IFT80: variants seen among roughly 807,000 people sequenced by gnomAD.
The protein encoded by IFT80 is intraflagellar transport 80.
In IFT80, 79 loss-of-function variants were observed where a neutral mutation model predicts 107.9. The ratio of observed to expected loss-of-function variants is 0.73; its 90% CI spans 0.61 to 0.88. The LOEUF is 0.88. Among genes scored for constraint, IFT80 ranks in the 40% least tolerant of loss-of-function variants. IFT80 has a pLI of 0.00. For synonymous variants in IFT80, 299 were observed against 300.9 expected, an observed-to-expected ratio of 0.99 and a Z score of 0.07; for missense variants, 797 against 914.2, an observed-to-expected ratio of 0.87 and a Z score of 1.65.
intron 8 of IFT80, among the ~76,000 whole-genome samples, chr3:160,353,211 TAC>T (rs1421639575): frequency 6.6e-6 from 1 of 152,204 alleles, no homozygotes; most frequent in African/African-American, 2.4e-5. Context: ...ACCATGTTAC[TAC>T]ACACCATCCA....
intron 11 of IFT80, 133 bp from the exon 12 acceptor site, chr3:160,301,179 G>C (rs1716399033): frequency 1.1e-6 from 1 of 879,398 alleles, no homozygotes; most frequent in African/African-American, 1.8e-5. Context: ...AGATATATAA[G>C]GAACAAAACA....
chr3:160,258,437 T>A lies in IFT80; in HGVS notation c.*88A>T, dbSNP rs1712528444. ...ACTTATACTCGGTTAAAGATTATGC[T>A]TTTTTCTTTAGCAACCAAAACATGC... On this transcript the variant is annotated 3_prime_UTR_variant, in exon 20 of 20. Transcript: ENST00000326448. 5.2e-6 allele frequency: 8 copies of A among 1,550,580 alleles called. No individual in the cohort carries two copies. Among genetic ancestry groups the A allele is most frequent in the African/African-American group, 1.4e-5 (1 of 73,634 alleles).
In IFT80 at chr3:160,357,182, C is replaced by T. The variant is rs77949442; in HGVS notation, c.639+307G>A. On this transcript the variant is annotated intron_variant, in intron 7 of 19. Transcript: ENST00000326448. ...TGGCACAATTATGGCTCACTGCAGC[C>T]TCAACCACCTGTGCTCAAGTGATCC... Among the ~76,000 whole-genome samples, 6 of 152,248 alleles carry T rather than the reference C, an allele frequency of 3.9e-5. No individual in the cohort carries two copies. The East Asian group carries it at 1.2e-3, about 29-fold the overall frequency.
intron 8 of IFT80, 91 bp from the exon 9 acceptor site, chr3:160,320,030 A>C: frequency 3.5e-6 from 3 of 848,894 alleles, no homozygotes; most frequent in Non-Finnish European, 5.6e-6. Context: ...TAATAAGATC[A>C]TTTTTAAAAG....
At chr3:160,360,946 G>A (rs1235358300) in intron 6 of IFT80, among the ~76,000 whole-genome samples, 6 of 151,576 alleles carry the variant, frequency 4.0e-5, no homozygotes, top group Non-Finnish European at 5.9e-5. Flanking sequence ...AGCATCTATG[G>A]GCAACTAATG....
chr3:160,385,199 C>T (rs1712830716), intron 1 of IFT80, among the ~76,000 whole-genome samples: 1 of 151,998 alleles, frequency 6.6e-6, no homozygotes, highest in Non-Finnish European at 1.5e-5. Context: ...TAATAAATTG[C>T]TTATAAAAGT....
At chr3:160,396,636 T>G (rs918416636) in intron 1 of IFT80, among the ~76,000 whole-genome samples, 1 of 152,168 alleles carries the variant, frequency 6.6e-6, no homozygotes, top group African/African-American at 2.4e-5. Context: ...AAATTGCAGA[T>G]AGAGATTACT....
intron 1 of IFT80, among the ~76,000 whole-genome samples, chr3:160,392,020 T>G (rs943131885): frequency 2.0e-5 from 3 of 152,224 alleles, no homozygotes; most frequent in Non-Finnish European, 2.9e-5. Context: ...ACCATAGCCT[T>G]CTTGGAACTG....
At chr3:160,268,722 T>C (rs1713553098) in intron 18 of IFT80, 186 bp from the exon 19 acceptor site, 2 of 577,866 alleles carry the variant, frequency 3.5e-6, no homozygotes, top group Non-Finnish European at 6.2e-6. Flanking sequence ...AGATCAAACA[T>C]GGCCTCTTCT....
At chr3:160,361,849 C>A (rs1721515298) in intron 6 of IFT80, among the ~76,000 whole-genome samples, 1 of 152,102 alleles carries the variant, frequency 6.6e-6, no homozygotes, top group South Asian at 2.1e-4. Context: ...ACACAATGTA[C>A]CAGAATCTTT....
intron 6 of IFT80, among the ~76,000 whole-genome samples, chr3:160,365,783 A>G (rs1721821453): frequency 1.3e-5 from 2 of 152,056 alleles, no homozygotes. Context: ...ATTTGAACCC[A>G]AGTAGCTAAC....
intron 8 of IFT80, among the ~76,000 whole-genome samples, chr3:160,343,447 T>C (rs768329355): frequency 6.6e-6 from 1 of 152,164 alleles, no homozygotes; most frequent in Non-Finnish European, 1.5e-5. Flanking sequence ...TTTAATATAG[T>C]ATAATTCATT....
At chr3:160,302,047 T>A (rs1716468801) in intron 11 of IFT80, among the ~76,000 whole-genome samples, 1 of 152,062 alleles carries the variant, frequency 6.6e-6, no homozygotes, top group Admixed American at 6.5e-5. Context: ...TCTTGTTTTA[T>A]TGCCCTTTGA....
intron 12 of IFT80, among the ~76,000 whole-genome samples, chr3:160,289,811 G>A (rs1244322579): frequency 2.6e-5 from 4 of 152,126 alleles, no homozygotes; most frequent in African/African-American, 9.7e-5. Context: ...ATTCTGAGCT[G>A]GGGACCCAAC....
chr3:160,295,253 T>C (rs1337187413), intron 12 of IFT80, among the ~76,000 whole-genome samples: 1 of 152,106 alleles, frequency 6.6e-6, no homozygotes, highest in Non-Finnish European at 1.5e-5. Context: ...CTTGCCCACT[T>C]CTAGTGAGAA....
In IFT80 at chr3:160,369,776, A is replaced by G. The variant is rs545933824; in HGVS notation, c.440-3624T>C. ...GTAACAAAATGTTATTTATTTCATCATTAACAAAAATGGGCAAAAAACAAA... is the reference window on the plus strand; with the variant it reads ...GTAACAAAATGTTATTTATTTCATCGTTAACAAAAATGGGCAAAAAACAAA... On this transcript the variant is annotated intron_variant, in intron 5 of 19. Coordinates refer to ENST00000326448, the MANE Select transcript of IFT80 (RefSeq NM_020800.3). Among the ~76,000 whole-genome samples the G allele has an allele frequency of 1.5e-4, 23 of 152,212 alleles. No homozygotes were observed. In the South Asian group the frequency reaches 3.5e-3, roughly 23 times the overall value.
intron 1 of IFT80, among the ~76,000 whole-genome samples, chr3:160,387,203 C>T (rs1422398296): frequency 1.3e-5 from 2 of 152,170 alleles, no homozygotes; most frequent in Admixed American, 6.5e-5. Flanking sequence ...CTGGTGAATT[C>T]AGTTTAAGAA....
intron 16 of IFT80, among the ~76,000 whole-genome samples, chr3:160,278,754 T>A (rs1029359493): frequency 1.3e-5 from 2 of 152,032 alleles, no homozygotes; most frequent in African/African-American, 4.8e-5. Flanking sequence ...ATAAAAAAGG[T>A]CTATGGTCAA....
At chr3:160,380,624 A>AGTAAATTAT (rs1712406447) in intron 3 of IFT80, among the ~76,000 whole-genome samples, 1 of 152,210 alleles carries the variant, frequency 6.6e-6, no homozygotes, top group African/African-American at 2.4e-5. Context: ...CTCCTAATTG[A>AGTAAATTAT]AACAGCAGGT....
Sources: allele counts gnomAD v4.1 joint callset (sites outside exome capture counted in the v4.1 genomes callset), GRCh38; gene constraint gnomAD v4.1.1; transcripts MANE v1.5; gene names NCBI Gene and HGNC (gene_info 2026-07-23, HGNC 2026-07-21).